Variants in ANO3 observed in about 807,000 individuals in gnomAD.
ANO3 encodes anoctamin-3.
In ANO3, 99 loss-of-function variants were observed where a neutral mutation model predicts 144.8. The ratio of observed to expected loss-of-function variants is 0.68; its 90% CI spans 0.58 to 0.81. The LOEUF is 0.81. Ranked by LOEUF, ANO3 falls within the 30% of genes least tolerant of loss-of-function variation. The pLI is 0.00. For synonymous variants in ANO3, 414 were observed against 392.6 expected (o/e 1.05, Z -0.64); for missense variants, 905 against 1,202.2 (o/e 0.75, Z 3.66).
At chr11:26,393,957 C>T (rs545563261) in intron 1 of ANO3, among the ~76,000 whole-genome samples, 20 of 152,208 alleles carry the variant, frequency 1.3e-4, no homozygotes, top group African/African-American at 4.3e-4. Flanking sequence ...CGGACATATT[C>T]GGTTGGTTTG....
At chr11:26,316,731 C>T (rs1854634400) in intron 1 of ANO3, among the ~76,000 whole-genome samples, 1 of 152,114 alleles carries the variant, frequency 6.6e-6, no homozygotes, top group Non-Finnish European at 1.5e-5. Context: ...ATAGACTCTC[C>T]ACAAGGGTCG....
chr11:26,437,228 A>T (rs150730035), intron 1 of ANO3, among the ~76,000 whole-genome samples: 1 of 152,314 alleles, frequency 6.6e-6, no homozygotes, highest in African/African-American at 2.4e-5. Flanking sequence ...CTGGAGTTGC[A>T]GCCACTTTTG....
At chr11:26,358,670 A>G (rs1424497593) in intron 1 of ANO3, among the ~76,000 whole-genome samples, 1 of 151,956 alleles carries the variant, frequency 6.6e-6, no homozygotes, top group East Asian at 1.9e-4. Flanking sequence ...ACATTTTTGA[A>G]ATGCTTTCGG....
At chr11:26,436,885 G>A (rs1412122389) in intron 1 of ANO3, among the ~76,000 whole-genome samples, 13 of 152,060 alleles carry the variant, frequency 8.5e-5, no homozygotes, top group Non-Finnish European at 5.9e-5. Flanking sequence ...AGATTCGTCC[G>A]GTGGTGGAAA....
chr11:26,538,052 T>C (rs1849554718), intron 10 of ANO3, among the ~76,000 whole-genome samples: 1 of 152,200 alleles, frequency 6.6e-6, no homozygotes, highest in Non-Finnish European at 1.5e-5. Context: ...TTTCAAAGAC[T>C]ATCACACTTC....
At chr11:26,509,103 C>CTA (rs145568354) in intron 5 of ANO3, among the ~76,000 whole-genome samples, 8,913 of 117,988 alleles carry the variant, frequency 0.076, 261 homozygotes, top group East Asian at 0.17. Context: ...ATCTCTCTCT[C>CTA]TCTATATATA....
rs1177641839 is a variant in ANO3 at position 26,421,679 on chromosome 11, C to G, written c.47-20239C>G. Among the ~76,000 whole-genome samples the G allele has an allele frequency of 2.0e-5, 3 of 151,914 alleles. No individual in the cohort carries two copies. In the East Asian group the frequency reaches 5.8e-4, roughly 29 times the overall value. ...AAGCACATGTATGTTCATTGCAGCC[C>G]TATTCACAATTGCAAAGACATAGAA... is the stretch of plus-strand genomic sequence containing the variant. On this transcript the variant is annotated intron_variant, in intron 1 of 26. Coordinates refer to ENST00000256737, the MANE Select transcript of ANO3 (RefSeq NM_031418.4).
At chr11:26,446,550 A>G (rs1470607030) in intron 3 of ANO3, among the ~76,000 whole-genome samples, 2 of 152,256 alleles carry the variant, frequency 1.3e-5, no homozygotes, top group African/African-American at 4.8e-5. Context: ...TTGTTGATTC[A>G]GAGAAGGACA....
At chr11:26,429,495 G>T (rs374417890) in intron 1 of ANO3, among the ~76,000 whole-genome samples, 1 of 148,382 alleles carries the variant, frequency 6.7e-6, no homozygotes, top group African/African-American at 2.5e-5. Flanking sequence ...AGAGAATGAA[G>T]TAAATATGAA....
intron 14 of ANO3, among the ~76,000 whole-genome samples, chr11:26,594,755 T>C (rs1219139601): frequency 6.6e-6 from 1 of 152,098 alleles, no homozygotes; most frequent in Non-Finnish European, 1.5e-5. Flanking sequence ...AGGGCATAAA[T>C]TACACTTTTT....
At chr11:26,644,418 T>A (rs1853273120) in intron 23 of ANO3, among the ~76,000 whole-genome samples, 2 of 152,226 alleles carry the variant, frequency 1.3e-5, no homozygotes, top group Admixed American at 1.3e-4. Flanking sequence ...TAAACAATAC[T>A]GAAGTGATCA....
chr11:26,415,615 GTTC>G (rs1338609256), intron 1 of ANO3, among the ~76,000 whole-genome samples: 6 of 151,788 alleles, frequency 4.0e-5, no homozygotes, highest in Non-Finnish European at 5.9e-5. Flanking sequence ...CTTATTTATT[GTTC>G]CATTTTCCTT....
chr11:26,592,986 G>A (rs970463409), intron 14 of ANO3, among the ~76,000 whole-genome samples: 1 of 152,008 alleles, frequency 6.6e-6, no homozygotes, highest in Non-Finnish European at 1.5e-5. Flanking sequence ...CTAATGGAGG[G>A]TACCGCCTTA....
intron 14 of ANO3, among the ~76,000 whole-genome samples, chr11:26,593,472 A>G (rs769323571): frequency 1.7e-4 from 26 of 152,266 alleles, no homozygotes; most frequent in Non-Finnish European, 2.6e-4. Context: ...GGACAGTAAG[A>G]CTAAGAAGGC....
intron 1 of ANO3, among the ~76,000 whole-genome samples, chr11:26,408,234 G>T (rs1270491494): frequency 1.3e-5 from 2 of 151,696 alleles, no homozygotes; most frequent in Non-Finnish European, 2.9e-5. Context: ...ATCTGACAAA[G>T]GGCTAATATC....
At chr11:26,477,374 T>C (rs950562319) in intron 4 of ANO3, among the ~76,000 whole-genome samples, 44 of 152,134 alleles carry the variant, frequency 2.9e-4, no homozygotes, top group African/African-American at 1.0e-3. Flanking sequence ...TGCCCAGATG[T>C]ATTTGTGTAT....
intron 1 of ANO3, among the ~76,000 whole-genome samples, chr11:26,340,932 G>A (rs1855340647): frequency 6.6e-6 from 1 of 152,098 alleles, no homozygotes; most frequent in Non-Finnish European, 1.5e-5. Flanking sequence ...AGACTTGTAG[G>A]GGAGAATTTT....
At chr11:26,222,010 T>C (rs11607541) in intron 1 of ANO3, among the ~76,000 whole-genome samples, 46,008 of 152,040 alleles carry the variant, frequency 0.3, 7,706 homozygotes, top group Non-Finnish European at 0.37. Flanking sequence ...TCTCACATTG[T>C]AAAATATAAT....
At chr11:26,460,859 A>C (rs1590380456) in intron 3 of ANO3, among the ~76,000 whole-genome samples, 1 of 152,084 alleles carries the variant, frequency 6.6e-6, no homozygotes, top group East Asian at 1.9e-4. Flanking sequence ...TAAGCATTAA[A>C]TTCATATTTA....
Sources: allele counts gnomAD v4.1 joint callset (sites outside exome capture counted in the v4.1 genomes callset), GRCh38; gene constraint gnomAD v4.1.1; transcripts MANE v1.5; gene names NCBI Gene and HGNC (gene_info 2026-07-23, HGNC 2026-07-21).